Variants in CHSY3 observed in about 807,000 individuals in gnomAD.
CHSY3 encodes the protein N-acetylgalactosaminyl-proteoglycan 3-beta-glucuronosyltransferase 3.
A neutral mutation model predicts 67.2 loss-of-function variants in CHSY3; 35 were observed. The ratio of observed to expected loss-of-function variants is 0.52; its 90% CI spans 0.40 to 0.69. The LOEUF is 0.69. Ranked by LOEUF, CHSY3 falls within the 30% of genes least tolerant of loss-of-function variation. The pLI is 0.00. For synonymous variants in CHSY3, 474 were observed against 434.7 expected (o/e 1.09, Z -1.12); for missense variants, 1,069 against 1,138.5 (o/e 0.94, Z 0.88).
At chr5:130,040,836 T>C (rs1157746270) in intron 2 of CHSY3, among the ~76,000 whole-genome samples, 1 of 152,154 alleles carries the variant, frequency 6.6e-6, no homozygotes, top group Non-Finnish European at 1.5e-5. Context: ...GTGTCTATTC[T>C]ATACTGATCC....
intron 2 of CHSY3, among the ~76,000 whole-genome samples, chr5:130,063,752 TTCTTGCAGCATCCTCACC>T (rs1370857716): frequency 1.3e-5 from 2 of 152,110 alleles, no homozygotes; most frequent in Non-Finnish European, 2.9e-5. Context: ...GGTGAGGGCC[TTCTTGCAGCATCCTCACC>T]TGGCAGAAGA....
intron 2 of CHSY3, among the ~76,000 whole-genome samples, chr5:129,913,687 G>C (rs1352385677): frequency 6.6e-6 from 1 of 152,108 alleles, no homozygotes; most frequent in African/African-American, 2.4e-5. Flanking sequence ...AGAATAGTTT[G>C]TATTTATCAT....
intron 2 of CHSY3, among the ~76,000 whole-genome samples, chr5:130,052,646 G>T (rs930911845): frequency 2.0e-4 from 30 of 152,218 alleles, no homozygotes; most frequent in Middle Eastern, 3.4e-3. Context: ...TAATCAAGAA[G>T]TGCTGAAACC....
intron 2 of CHSY3, among the ~76,000 whole-genome samples, chr5:129,916,482 T>G (rs1473403638): frequency 2.0e-5 from 3 of 152,180 alleles, no homozygotes; most frequent in Non-Finnish European, 4.4e-5. Flanking sequence ...AATTTAATTT[T>G]AAGGTAAAAC....
At chr5:129,918,524 G>C (rs897842177) in intron 2 of CHSY3, among the ~76,000 whole-genome samples, 7 of 152,166 alleles carry the variant, frequency 4.6e-5, no homozygotes, top group African/African-American at 1.7e-4. Flanking sequence ...TATGATGGCG[G>C]AAAGTACAGG....
intron 2 of CHSY3, among the ~76,000 whole-genome samples, chr5:129,924,339 C>A (rs1204939426): frequency 6.6e-6 from 1 of 151,998 alleles, no homozygotes; most frequent in Non-Finnish European, 1.5e-5. Flanking sequence ...CAACATTGTT[C>A]TGAATGCTTT....
chr5:129,905,388 C>A lies in CHSY3; in HGVS notation c.559C>A (p.Arg187Ser). ...VMTAQKYLGS[R>S]ALAAQRTWAR... Reference sequence around the variant, plus strand: ...GACCGCGCAGAAGTACCTGGGCAGCCGCGCGCTGGCCGCGCAGCGGACCTG... The same window carrying A: ...GACCGCGCAGAAGTACCTGGGCAGCAGCGCGCTGGCCGCGCAGCGGACCTG... Residue 187 changes from arginine to serine, a missense_variant, in exon 1 of 3, where the codon CGC becomes AGC. By Grantham distance (110) the Arg-to-Ser change is moderately radical. Around this residue, in one of 5 missense-constraint regions of CHSY3, gnomAD observed 216 missense variants for 311.5 expected, o/e 0.69. Coordinates refer to ENST00000305031, the MANE Select transcript of CHSY3 (RefSeq NM_175856.5). 6.2e-7 allele frequency: 1 copy of A among 1,601,414 alleles called. No individual in the cohort carries two copies. Among genetic ancestry groups the A allele is most frequent in the African/African-American group, 1.3e-5 (1 of 74,930 alleles).
At position 130,184,866 on chromosome 5, in the gene CHSY3, C is replaced by A; in HGVS notation, c.1724C>A (p.Thr575Asn). Residue 575 changes from threonine to asparagine, a missense_variant, in exon 3 of 3, where the codon ACC (threonine) becomes AAC (asparagine). By Grantham distance (65) the Thr-to-Asn change is moderately conservative. Around this residue, in one of 5 missense-constraint regions of CHSY3, gnomAD observed 401 missense variants for 395.2 expected, o/e 1.01. Coordinates refer to ENST00000305031, the MANE Select transcript of CHSY3 (RefSeq NM_175856.5). ...TTCAGCAAGCCTTTCTTCAGAGAGA[C>A]CGAAGAGCTAGATGTCAACAGTCTT... The part of the protein sequence containing the change: ...QLFSKPFFRE[T>N]EELDVNSLVE... 1 of 1,596,092 alleles carries A rather than the reference C, an allele frequency of 6.3e-7. No individual in the cohort carries two copies. Among genetic ancestry groups the A allele is most frequent in the South Asian group, 1.1e-5 (1 of 90,714 alleles).
rs556008717 is a variant in CHSY3 at position 129,967,485 on chromosome 5, G to A, written c.1086+59125G>A. Among the ~76,000 whole-genome samples the A allele has an allele frequency of 2.0e-5, 3 of 151,768 alleles. No homozygotes were observed. The East Asian group carries it at 5.8e-4, about 29-fold the overall frequency. On this transcript the variant is annotated intron_variant, in intron 2 of 2. Transcript: ENST00000305031. ...ACAGTTCCTTTTCCTGCTAAATATG[G>A]CATTTATTTAAAAGATCTAATATTT...
chr5:129,940,342 C>T (rs969619419), intron 2 of CHSY3, among the ~76,000 whole-genome samples: 2 of 152,058 alleles, frequency 1.3e-5, no homozygotes, highest in African/African-American at 2.4e-5. Context: ...GTTAACTGAA[C>T]TCATTCTCAG....
chr5:129,923,988 T>G (rs560984108), intron 2 of CHSY3, among the ~76,000 whole-genome samples: 102 of 152,246 alleles, frequency 6.7e-4, no homozygotes, highest in African/African-American at 2.4e-3. Context: ...TATTTAAAAT[T>G]AAAAAATAAA....
At chr5:130,018,914 G>C (rs1764286264) in intron 2 of CHSY3, among the ~76,000 whole-genome samples, 1 of 152,054 alleles carries the variant, frequency 6.6e-6, no homozygotes, top group African/African-American at 2.4e-5. Flanking sequence ...TATAAAGCCA[G>C]GATGCCCTCA....
chr5:129,953,666 G>A (rs576602677), intron 2 of CHSY3, among the ~76,000 whole-genome samples: 5 of 152,074 alleles, frequency 3.3e-5, no homozygotes, highest in East Asian at 3.9e-4. Flanking sequence ...TTTAATGATC[G>A]CCATCCTAAC....
intron 2 of CHSY3, among the ~76,000 whole-genome samples, chr5:130,094,630 A>G (rs1478909606): frequency 6.6e-6 from 1 of 152,144 alleles, no homozygotes; most frequent in Non-Finnish European, 1.5e-5. Flanking sequence ...CCAGGCATTT[A>G]TCAAAATCCA....
intron 2 of CHSY3, among the ~76,000 whole-genome samples, chr5:129,917,319 G>A (rs1386692916): frequency 6.6e-6 from 1 of 152,126 alleles, no homozygotes; most frequent in Non-Finnish European, 1.5e-5. Flanking sequence ...ATAAAATGGT[G>A]TAGAACAATA....
chr5:130,027,556 T>C (rs1222145292), intron 2 of CHSY3, among the ~76,000 whole-genome samples: 3 of 152,092 alleles, frequency 2.0e-5, no homozygotes, highest in Non-Finnish European at 2.9e-5. Context: ...TGTGCCATGT[T>C]GGTGTGCTGC....
intron 2 of CHSY3, among the ~76,000 whole-genome samples, chr5:129,922,123 A>G (rs1373257004): frequency 6.6e-6 from 1 of 152,198 alleles, no homozygotes; most frequent in African/African-American, 2.4e-5. Context: ...ACTTAACATA[A>G]TGCCCTCTTG....
intron 2 of CHSY3, among the ~76,000 whole-genome samples, chr5:130,034,641 T>G (rs1764796616): frequency 6.6e-6 from 1 of 152,062 alleles, no homozygotes; most frequent in African/African-American, 2.4e-5. Context: ...AGATAAACAA[T>G]TAAAAGTAAG....
At chr5:130,173,071 A>G (rs1769938877) in intron 2 of CHSY3, among the ~76,000 whole-genome samples, 1 of 152,198 alleles carries the variant, frequency 6.6e-6, no homozygotes, top group Non-Finnish European at 1.5e-5. Context: ...GACTGAAAGT[A>G]ACTTGAAAAT....
Sources: allele counts gnomAD v4.1 joint callset (sites outside exome capture counted in the v4.1 genomes callset), GRCh38; gene constraint gnomAD v4.1.1; regional missense constraint gnomAD v4.1.1; transcripts MANE v1.5; gene names NCBI Gene and HGNC (gene_info 2026-07-23, HGNC 2026-07-21).